Variants in GPR158 observed in about 807,000 individuals in gnomAD.
GPR158 encodes the protein G protein-coupled receptor 158.
GPR158 carries 30 observed loss-of-function variants against 78.2 expected under a neutral mutation model. That is an observed-to-expected ratio of 0.38 (90% CI 0.29 to 0.52). The LOEUF is 0.52. GPR158 is among the 20% of genes least tolerant of loss of function. The pLI, the probability that GPR158 is intolerant of heterozygous loss-of-function variation, is 0.83. For synonymous variants in GPR158, 581 were observed against 591.1 expected (o/e 0.98, Z 0.25); for missense variants, 1,463 against 1,523.5 (o/e 0.96, Z 0.66).
At chr10:25,311,479 G>A (rs1241019199) in intron 2 of GPR158, among the ~76,000 whole-genome samples, 8 of 151,844 alleles carry the variant, frequency 5.3e-5, no homozygotes, top group Non-Finnish European at 8.8e-5. Context: ...GTTATTTATT[G>A]TGTATATGAA....
intron 2 of GPR158, among the ~76,000 whole-genome samples, chr10:25,287,710 C>T (rs1479865642): frequency 2.0e-5 from 3 of 152,118 alleles, no homozygotes; most frequent in African/African-American, 7.2e-5. Flanking sequence ...AAGTACCTGC[C>T]TTTCCTTAGA....
chr10:25,395,443 C>A (rs922908967), intron 2 of GPR158, among the ~76,000 whole-genome samples: 1 of 152,046 alleles, frequency 6.6e-6, no homozygotes, highest in Non-Finnish European at 1.5e-5. Context: ...AATTTGATGA[C>A]TATTTAATTC....
chr10:25,249,272 C>A (rs1025934882), intron 2 of GPR158, among the ~76,000 whole-genome samples: 1 of 152,290 alleles, frequency 6.6e-6, no homozygotes, highest in Middle Eastern at 3.4e-3. Context: ...GACAATTTGA[C>A]TTCCCCTTTT....
rs76947145 is a variant in GPR158, at chr10:25,569,317, G to A, written c.1515-3332G>A. On this transcript the variant is annotated intron_variant, in intron 6 of 10. Transcript: ENST00000376351. ...GTAAAAGGTTACTGTAACTGGAATC[G>A]TAGATTTCCTTTGCAAAAGAAAAAA... Among the ~76,000 whole-genome samples, 704 of 152,214 alleles carry A rather than the reference G, an allele frequency of 4.6e-3. 4 individuals are homozygous for A. The highest frequency in any genetic ancestry group is 0.014 in the African/African-American group (602 of 41,548).
chr10:25,480,919 A>G (rs1374467233), intron 5 of GPR158, among the ~76,000 whole-genome samples: 1 of 152,074 alleles, frequency 6.6e-6, no homozygotes, highest in Non-Finnish European at 1.5e-5. Flanking sequence ...AGGTATTAGT[A>G]CTGGAAGACA....
At chr10:25,231,651 T>C (rs1316805989) in intron 2 of GPR158, among the ~76,000 whole-genome samples, 1 of 152,076 alleles carries the variant, frequency 6.6e-6, no homozygotes, top group African/African-American at 2.4e-5. Context: ...TGGGCATCAA[T>C]TAAAAGGCTG....
At chr10:25,440,549 A>G (rs1400745429) in intron 4 of GPR158, among the ~76,000 whole-genome samples, 1 of 152,224 alleles carries the variant, frequency 6.6e-6, no homozygotes, top group Non-Finnish European at 1.5e-5. Flanking sequence ...TAACATGAGA[A>G]AGTTTAAGTT....
rs543768277 is a variant in GPR158 at position 25,183,425 on chromosome 10, G to A, written c.902+7103G>A. Among the ~76,000 whole-genome samples, 14 of 152,178 alleles carry A rather than the reference G, an allele frequency of 9.2e-5. No homozygotes were observed. The South Asian group carries it at 2.9e-3, about 32-fold the overall frequency. ...ATCTAGTTTTATTACTTTCATTATA[G>A]GTAGAGCTCAGAGGAAACACAAATT... On this transcript the variant is annotated intron_variant, in intron 1 of 10. Coordinates refer to ENST00000376351, the MANE Select transcript of GPR158 (RefSeq NM_020752.3).
At chr10:25,286,468 C>T (rs1423755396) in intron 2 of GPR158, among the ~76,000 whole-genome samples, 1 of 152,060 alleles carries the variant, frequency 6.6e-6, no homozygotes, top group South Asian at 2.1e-4. Flanking sequence ...ACTGAAATTA[C>T]TCATCTGTTC....
chr10:25,284,177 G>A (rs1314657466), intron 2 of GPR158, among the ~76,000 whole-genome samples: 2 of 151,996 alleles, frequency 1.3e-5, no homozygotes, highest in African/African-American at 4.8e-5. Flanking sequence ...CTGATTTTCT[G>A]TGTACTTATT....
chr10:25,192,234 T>G (rs968138080), intron 1 of GPR158, among the ~76,000 whole-genome samples: 4 of 152,190 alleles, frequency 2.6e-5, no homozygotes, highest in African/African-American at 9.7e-5. Context: ...TTTTCCCCAC[T>G]GCCACCTTAT....
At chr10:25,370,853 T>C (rs1833978624) in intron 2 of GPR158, among the ~76,000 whole-genome samples, 3 of 151,916 alleles carry the variant, frequency 2.0e-5, no homozygotes, top group African/African-American at 7.3e-5. Context: ...TGGATGCTCC[T>C]GTATTGGGTA....
chr10:25,521,984 CTCTTT>C lies in GPR158; in HGVS notation c.1405-28990_1405-28986del, dbSNP rs561106756. 4.0e-3 allele frequency among the ~76,000 whole-genome samples: 607 copies of C among 152,298 alleles called. 2 individuals carry two copies. The highest frequency in any genetic ancestry group is 6.5e-3 in the Non-Finnish European group (442 of 68,026). On this transcript the variant is annotated intron_variant, in intron 5 of 10. Coordinates refer to ENST00000376351, the MANE Select transcript of GPR158 (RefSeq NM_020752.3). ...CCCAGAAACTCACTTGCTTGATCTT[CTCTTT>C]TGACTGTCATAAATAACCTCTGAGA... is the stretch of plus-strand genomic sequence containing the variant.
At chr10:25,254,956 G>C (rs182640122) in intron 2 of GPR158, among the ~76,000 whole-genome samples, 1 of 152,054 alleles carries the variant, frequency 6.6e-6, no homozygotes, top group Non-Finnish European at 1.5e-5. Flanking sequence ...GAAAGTCTTC[G>C]AGTAGTCCTT....
At position 25,575,935 on chromosome 10, in the gene GPR158, T is replaced by C. The variant is rs189719637; in HGVS notation, c.1753+3048T>C. On this transcript the variant is annotated intron_variant, in intron 7 of 10. Coordinates refer to ENST00000376351, the MANE Select transcript of GPR158 (RefSeq NM_020752.3). The stretch of plus-strand genomic sequence containing the variant: ...GGTAACACCACAACCTGTGCCAGAC[T>C]CATCTAACATTTTGGGCCCCTCATC... 1.4e-4 allele frequency among the ~76,000 whole-genome samples: 22 copies of C among 152,286 alleles called. No individual in the cohort carries two copies. In the East Asian group the frequency reaches 3.9e-3, roughly 27 times the overall value.
At position 25,389,270 on chromosome 10, in the gene GPR158, C is replaced by T. The variant is rs185207948; in HGVS notation, c.1009-6641C>T. On this transcript the variant is annotated intron_variant, in intron 2 of 10. Coordinates refer to ENST00000376351, the MANE Select transcript of GPR158 (RefSeq NM_020752.3). Reference sequence around the variant, plus strand: ...CATAAAAGCCCTGCACTCAGCCAGACTCAAGGAGATGATGGGACAACCAAC... The same window carrying T: ...CATAAAAGCCCTGCACTCAGCCAGATTCAAGGAGATGATGGGACAACCAAC... Among the ~76,000 whole-genome samples, 342 of 152,278 alleles carry T rather than the reference C, an allele frequency of 2.2e-3. 4 individuals carry two copies. The highest frequency in any genetic ancestry group is 4.3e-3 in the Non-Finnish European group (294 of 68,022).
At chr10:25,374,223 CTTTT>C (rs1834044048) in intron 2 of GPR158, among the ~76,000 whole-genome samples, 2 of 151,172 alleles carry the variant, frequency 1.3e-5, no homozygotes, top group Admixed American at 6.6e-5. Context: ...TACAGGCTTT[CTTTT>C]TGTTATTTTA....
intron 3 of GPR158, among the ~76,000 whole-genome samples, chr10:25,404,792 C>T (rs1344445945): frequency 2.6e-5 from 4 of 151,982 alleles, no homozygotes; most frequent in Non-Finnish European, 5.9e-5. Context: ...TAGAATAAAA[C>T]AGGCAAGTAA....
chr10:25,502,175 G>A (rs1303570480), intron 5 of GPR158, among the ~76,000 whole-genome samples: 1 of 152,140 alleles, frequency 6.6e-6, no homozygotes, highest in Non-Finnish European at 1.5e-5. Context: ...ACTATTTTAA[G>A]CTTCCCCTGA....
Sources: allele counts gnomAD v4.1 joint callset (sites outside exome capture counted in the v4.1 genomes callset), GRCh38; gene constraint gnomAD v4.1.1; transcripts MANE v1.5; gene names NCBI Gene and HGNC (gene_info 2026-07-23, HGNC 2026-07-21).